Variants in NINL observed in about 807,000 individuals in gnomAD.
NINL encodes the protein ninein-like protein.
Under a neutral mutation model 160.3 loss-of-function variants are expected in NINL, and 153 were observed. The ratio of observed to expected loss-of-function variants is 0.95; its 90% CI spans 0.84 to 1.09. The LOEUF is 1.09. Ranked by LOEUF, NINL falls within the 50% of genes least tolerant of loss-of-function variation. The pLI, the probability that NINL is intolerant of heterozygous loss-of-function variation, is 0.00. For synonymous variants in NINL, 800 were observed against 734.8 expected, an observed-to-expected ratio of 1.09 and a Z score of -1.43; for missense variants, 1,829 against 1,764.0, an observed-to-expected ratio of 1.04 and a Z score of -0.66.
At chr20:25,560,566 T>C (rs1043298647) in intron 1 of NINL, among the ~76,000 whole-genome samples, 3 of 152,192 alleles carry the variant, frequency 2.0e-5, no homozygotes, top group Admixed American at 1.3e-4. Flanking sequence ...GCCAGTAATC[T>C]GCTCACTCTG....
intron 1 of NINL, among the ~76,000 whole-genome samples, chr20:25,535,936 T>G (rs2064548234): frequency 6.6e-6 from 1 of 152,134 alleles, no homozygotes; most frequent in Admixed American, 6.5e-5. Flanking sequence ...GAAAAGTCAT[T>G]CCGCTTGGGA....
intron 1 of NINL, among the ~76,000 whole-genome samples, chr20:25,562,030 A>G (rs1295909546): frequency 7.1e-6 from 1 of 141,738 alleles, no homozygotes; most frequent in Admixed American, 6.9e-5. Context: ...CTGGGAAGTG[A>G]GGAGCCCCTC....
At chr20:25,536,541 T>C (rs1017328049) in intron 1 of NINL, among the ~76,000 whole-genome samples, 18 of 152,142 alleles carry the variant, frequency 1.2e-4, no homozygotes, top group Non-Finnish European at 2.6e-4. Context: ...TGAAATCCTG[T>C]CTCTACAAAA....
intron 2 of NINL, among the ~76,000 whole-genome samples, chr20:25,526,072 C>T (rs112907220): frequency 0.021 from 3,201 of 152,316 alleles, 100 homozygotes; most frequent in African/African-American, 0.072. Context: ...GTGTGAGCTG[C>T]TCACAGGTCC....
intron 12 of NINL, 102 bp downstream of exon 12, chr20:25,489,773 C>T (rs1173101367): frequency 9.2e-6 from 8 of 866,092 alleles, no homozygotes; most frequent in Non-Finnish European, 1.5e-5. Context: ...GAGAATACCG[C>T]ATTCTGTGAC....
intron 8 of NINL, among the ~76,000 whole-genome samples, chr20:25,500,194 T>G (rs2063840505): frequency 6.6e-6 from 1 of 152,168 alleles, no homozygotes; most frequent in Admixed American, 6.5e-5. Flanking sequence ...CCCTGCACAG[T>G]TGTTGCCAAA....
At position 25,461,593 on chromosome 20, in the gene NINL, T is replaced by C; in HGVS notation, c.3625A>G (p.Asn1209Asp). 2 of 1,611,132 alleles carry C rather than the reference T, an allele frequency of 1.2e-6. No homozygotes were observed. Among genetic ancestry groups the C allele is most frequent in the Non-Finnish European group, 8.5e-7 (1 of 1,179,102 alleles). Residue 1209 changes from asparagine to aspartate, a missense_variant, in exon 21 of 24, where the codon AAT becomes GAT. By Grantham distance (23) the Asn-to-Asp change is conservative. Transcript: ENST00000278886. ...QKLRVELECL[N>D]QEHQSLQLPW... ...AGCTGCAGGCTCTGATGTTCCTGATTCAGGCATTCAAGTTCAACTCTAAGT... is the reference window on the plus strand; with the variant it reads ...AGCTGCAGGCTCTGATGTTCCTGATCCAGGCATTCAAGTTCAACTCTAAGT...
chr20:25,567,922 T>C (rs537945344), intron 1 of NINL, among the ~76,000 whole-genome samples: 86 of 152,128 alleles, frequency 5.7e-4, no homozygotes, highest in African/African-American at 1.9e-3. Flanking sequence ...ATCTGTGGGA[T>C]ACAGCTAAAG....
At chr20:25,475,648 G>A (rs2063214435) in intron 17 of NINL, among the ~76,000 whole-genome samples, 1 of 152,192 alleles carries the variant, frequency 6.6e-6, no homozygotes, top group African/African-American at 2.4e-5. Flanking sequence ...AAGGCGGGCA[G>A]ATCACCTTTG....
chr20:25,481,954 G>A lies in NINL; in HGVS notation c.1810+14C>T. The A allele has an allele frequency of 6.3e-7, 1 of 1,593,626 alleles. No homozygotes were observed. Among genetic ancestry groups the A allele is most frequent in the Admixed American group, 1.7e-5 (1 of 59,798 alleles). On this transcript the variant is annotated intron_variant, in intron 14 of 23. Transcript: ENST00000278886. ...AGGCCTTGGGTCAGCCCCCTCCCAG[G>A]GACGGGCTCCTACCTGCTGGGCCGA...
intron 1 of NINL, among the ~76,000 whole-genome samples, chr20:25,529,719 A>C (rs1407633421): frequency 6.6e-6 from 1 of 152,234 alleles, no homozygotes; most frequent in Non-Finnish European, 1.5e-5. Context: ...GCATGCCTGT[A>C]GTCCCAGCTA....
At chr20:25,534,130 C>A (rs888664770) in intron 1 of NINL, among the ~76,000 whole-genome samples, 11 of 152,186 alleles carry the variant, frequency 7.2e-5, no homozygotes, top group African/African-American at 2.7e-4. Flanking sequence ...GACACCTGCA[C>A]GTTAGCTCAC....
At chr20:25,549,555 C>A (rs1441437003) in intron 1 of NINL, among the ~76,000 whole-genome samples, 2 of 152,258 alleles carry the variant, frequency 1.3e-5, no homozygotes, top group Non-Finnish European at 2.9e-5. Context: ...CACTTCCCCT[C>A]TCCCTCTCCT....
intron 17 of NINL, among the ~76,000 whole-genome samples, chr20:25,475,593 C>T (rs533619210): frequency 6.6e-6 from 1 of 152,124 alleles, no homozygotes; most frequent in South Asian, 2.1e-4. Context: ...AAGCGAGGGC[C>T]GGGCGCAGTG....
chr20:25,491,033 G>A (rs2063620140), intron 11 of NINL, among the ~76,000 whole-genome samples: 1 of 152,270 alleles, frequency 6.6e-6, no homozygotes, highest in African/African-American at 2.4e-5. Flanking sequence ...CCCCATGGGT[G>A]TTCCTGGTTT....
chr20:25,553,019 A>G (rs2064823149), intron 1 of NINL, among the ~76,000 whole-genome samples: 1 of 151,578 alleles, frequency 6.6e-6, no homozygotes, highest in Non-Finnish European at 1.5e-5. Context: ...TCCCCACGCA[A>G]GGGCACTGGT....
rs1156281867 is a variant in NINL, at chr20:25,476,746, G to C, written c.2545C>G (p.Leu849Val). 6.2e-7 allele frequency: 1 copy of C among 1,608,484 alleles called. No individual in the cohort carries two copies. The highest frequency in any genetic ancestry group is 1.7e-5 in the Admixed American group (1 of 59,966). The stretch of plus-strand genomic sequence containing the variant: ...GGCCGCTCCCCACAGCCCGGACGCA[G>C]TGGTAGGAGGCCACGTGTGCCCTCC... ...GQEGTRGLLP[L>V]RPGCGERPLA... The change falls in exon 17 of 24, where the codon CTG becomes GTG. Residue 849 changes from leucine to valine, a missense_variant. Physicochemically the swap from Leu to Val is conservative, Grantham distance 32. Transcript: ENST00000278886.
chr20:25,539,929 C>A, intron 1 of NINL: 1 of 715,040 alleles, frequency 1.4e-6, no homozygotes, highest in Non-Finnish European at 2.1e-6. Context: ...CCACTGCACA[C>A]CCCTGCGGGT....
chr20:25,532,333 C>T (rs1342798958), intron 1 of NINL, among the ~76,000 whole-genome samples: 2 of 152,240 alleles, frequency 1.3e-5, no homozygotes, highest in African/African-American at 2.4e-5. Flanking sequence ...CTTCAATTCC[C>T]GTATGACTAC....
Sources: gnomAD v4.1 joint callset for allele counts (sites outside exome capture counted in the v4.1 genomes callset) on GRCh38, gnomAD v4.1.1 for gene constraint, MANE v1.5 for transcripts, NCBI Gene and HGNC (gene_info 2026-07-23, HGNC 2026-07-21) for gene names.